Variants in ESR1 observed in about 807,000 individuals in gnomAD.
ESR1 encodes estrogen receptor.
Under a neutral mutation model 52.7 loss-of-function variants are expected in ESR1, and 12 were observed. That is an observed-to-expected ratio of 0.23 (90% confidence interval 0.15 to 0.37). The LOEUF is 0.37. ESR1 is among the 10% of genes least tolerant of loss of function. The pLI is 1.00. For missense variants in ESR1, 584 were observed against 779.7 expected (o/e 0.75, Z 2.99); for synonymous variants, 305 against 316.8 (o/e 0.96, Z 0.39).
chr6:151,835,304 T>C (rs1184824298), intron 1 of ESR1, among the ~76,000 whole-genome samples: 2 of 152,156 alleles, frequency 1.3e-5, no homozygotes, highest in Non-Finnish European at 2.9e-5. Flanking sequence ...ATTTAGCACA[T>C]AGGTCTGAAG....
intron 2 of ESR1, among the ~76,000 whole-genome samples, chr6:151,704,041 C>T (rs1779992894): frequency 6.6e-6 from 1 of 152,114 alleles, no homozygotes; most frequent in African/African-American, 2.4e-5. Flanking sequence ...AGTGGTTCTC[C>T]CATAATCAAA....
In ESR1 at chr6:152,030,038, A is replaced by G. The variant is rs537275125; in HGVS notation, c.1235+18244A>G. On this transcript the variant is annotated intron_variant, in intron 5 of 7. Transcript: ENST00000206249. ...AACCCAGAATCTCATATCCAGCCAA[A>G]CTAAGCTTCATAAGTGAAGGAGAAA... 2.0e-3 allele frequency among the ~76,000 whole-genome samples: 306 copies of G among 152,328 alleles called. 1 individual carries two copies. The highest frequency in any genetic ancestry group is 7.3e-3 in the African/African-American group (305 of 41,580).
Position 151,995,291 on chromosome 6 carries a change from G to A in ESR1, c.1097-16365G>A, listed in dbSNP as rs1262770165. On this transcript the variant is annotated intron_variant, in intron 4 of 7. Transcript: ENST00000206249. ...TTTGCCTTTCTTCCTTCTCCTATCC[G>A]TCTTTCCATCCATCTGTCCATCAGT... Among the ~76,000 whole-genome samples the A allele has an allele frequency of 5.3e-5, 8 of 152,006 alleles. No homozygotes were observed. In the East Asian group the frequency reaches 5.8e-4, roughly 11 times the overall value.
chr6:152,019,231 A>G (rs1260202256), intron 5 of ESR1, among the ~76,000 whole-genome samples: 2 of 152,206 alleles, frequency 1.3e-5, no homozygotes, highest in Non-Finnish European at 2.9e-5. Flanking sequence ...AAATGGGCCA[A>G]TTCAATGATA....
At chr6:151,771,967 GC>G (rs1189261445) in intron 2 of ESR1, among the ~76,000 whole-genome samples, 1 of 152,158 alleles carries the variant, frequency 6.6e-6, no homozygotes, top group Non-Finnish European at 1.5e-5. Context: ...AAACTCCCCT[GC>G]TTTTCTCAGG....
chr6:152,027,110 G>A (rs2044215036), intron 5 of ESR1, among the ~76,000 whole-genome samples: 1 of 151,972 alleles, frequency 6.6e-6, no homozygotes, highest in South Asian at 2.1e-4. Context: ...GGGATTACAG[G>A]CATCAGCCAC....
At chr6:151,796,058 C>T (rs1174415338) in intron 2 of ESR1, among the ~76,000 whole-genome samples, 2 of 150,092 alleles carry the variant, frequency 1.3e-5, no homozygotes, top group South Asian at 2.1e-4. Context: ...CCCAGCTACT[C>T]GGGAGGCTGA....
chr6:152,102,390 G>A lies in ESR1; in HGVS notation c.*3424G>A. On this transcript the variant is annotated 3_prime_UTR_variant, in exon 8 of 8. Coordinates refer to ENST00000206249, the MANE Select transcript of ESR1 (RefSeq NM_000125.4). ...ACTGGGAGTGATCACTAACACCATA[G>A]TAATGTCTAATATTCACAGGCAGAT... The A allele has an allele frequency of 1.4e-5, 3 of 207,726 alleles. No homozygotes were observed. Among genetic ancestry groups the A allele is most frequent in the Non-Finnish European group, 2.9e-5 (3 of 101,912 alleles). 12.9% of individuals were successfully genotyped at this position (207,726 alleles called of 1,614,324 possible).
At chr6:151,728,859 T>G (rs570220841) in intron 2 of ESR1, among the ~76,000 whole-genome samples, 1 of 152,318 alleles carries the variant, frequency 6.6e-6, no homozygotes, top group East Asian at 1.9e-4. Context: ...CATAGATTAG[T>G]GTGAACCACA....
At chr6:151,939,338 G>T (rs1250812024) in intron 3 of ESR1, among the ~76,000 whole-genome samples, 2 of 152,128 alleles carry the variant, frequency 1.3e-5, no homozygotes, top group African/African-American at 2.4e-5. Context: ...TTAGACAGTT[G>T]GGGGGTGAAC....
At chr6:152,111,768 G>A (rs558462417) in intron 6 of ESR1, among the ~76,000 whole-genome samples, 1 of 152,114 alleles carries the variant, frequency 6.6e-6, no homozygotes, top group African/African-American at 2.4e-5. Flanking sequence ...TGCTTTACAC[G>A]TGGTCTCAGT....
At chr6:151,682,585 G>A (rs890573573) in intron 1 of ESR1, among the ~76,000 whole-genome samples, 5 of 152,198 alleles carry the variant, frequency 3.3e-5, no homozygotes, top group Non-Finnish European at 1.5e-5. Flanking sequence ...GTAAAAGGGG[G>A]CTAATTTGAA....
chr6:151,995,335 ATCCATCCATCCT>A (rs951986425), intron 4 of ESR1, among the ~76,000 whole-genome samples: 3 of 152,036 alleles, frequency 2.0e-5, no homozygotes, highest in African/African-American at 7.2e-5. Context: ...CCATCCAGTC[ATCCATCCATCCT>A]TCCATCCATT....
chr6:151,704,789 C>T (rs981085263), intron 2 of ESR1, among the ~76,000 whole-genome samples: 5 of 152,014 alleles, frequency 3.3e-5, no homozygotes, highest in Admixed American at 6.5e-5. Context: ...TCTAGGAAAG[C>T]GAACTAAGGC....
intron 3 of ESR1, among the ~76,000 whole-genome samples, chr6:151,927,317 T>G (rs766551518): frequency 2.6e-5 from 4 of 152,202 alleles, no homozygotes; most frequent in African/African-American, 9.6e-5. Flanking sequence ...TCTTATAATA[T>G]CTTTATCTGA....
chr6:152,051,215 C>A (rs557669558), intron 5 of ESR1, among the ~76,000 whole-genome samples: 1 of 152,164 alleles, frequency 6.6e-6, no homozygotes, highest in Non-Finnish European at 1.5e-5. Context: ...TACTAAGCCC[C>A]ATAATCAGTC....
At chr6:151,839,371 A>G (rs545491261) in intron 1 of ESR1, among the ~76,000 whole-genome samples, 2 of 152,200 alleles carry the variant, frequency 1.3e-5, no homozygotes, top group Non-Finnish European at 2.9e-5. Context: ...TAGAGCAAAT[A>G]GAAACCTTGT....
chr6:151,856,500 T>C (rs1430823358), intron 2 of ESR1, among the ~76,000 whole-genome samples: 5 of 152,206 alleles, frequency 3.3e-5, no homozygotes, highest in Admixed American at 6.5e-5. Context: ...TACACTTAGA[T>C]ACACTCTTGA....
chr6:152,073,379 A>G (rs1169799997), intron 6 of ESR1, among the ~76,000 whole-genome samples: 1 of 152,236 alleles, frequency 6.6e-6, no homozygotes, highest in Non-Finnish European at 1.5e-5. Flanking sequence ...AAAGTAATGC[A>G]TGACCAAGGC....
Sources: gnomAD v4.1 joint callset for allele counts (sites outside exome capture counted in the v4.1 genomes callset) on GRCh38, gnomAD v4.1.1 for gene constraint, MANE v1.5 for transcripts, NCBI Gene and HGNC (gene_info 2026-07-23, HGNC 2026-07-21) for gene names.